Variants in UHRF2 observed in about 807,000 individuals in gnomAD.
The protein encoded by UHRF2 is E3 ubiquitin-protein ligase UHRF2.
In UHRF2, 23 loss-of-function variants were observed where a neutral mutation model predicts 96.8. The observed-to-expected ratio is 0.24, with a 90% CI of 0.17 to 0.34. UHRF2 has a LOEUF of 0.34. Ranked by LOEUF, UHRF2 falls within the 10% of genes least tolerant of loss-of-function variation. UHRF2 has a pLI of 1.00. For missense variants in UHRF2, 685 were observed against 981.5 expected (o/e 0.70, Z 4.04); for synonymous variants, 385 against 332.6 (o/e 1.16, Z -1.72).
At chr9:6,440,886 C>G (rs1185111236) in intron 3 of UHRF2, among the ~76,000 whole-genome samples, 1 of 152,176 alleles carries the variant, frequency 6.6e-6, no homozygotes, top group Non-Finnish European at 1.5e-5. Flanking sequence ...GAGCCCCCTT[C>G]CCTCTCCCTG....
In UHRF2 at chr9:6,433,832, C is replaced by G. The variant is rs1046820131; in HGVS notation, c.385-82C>G. Reference sequence around the variant, plus strand: ...GCAAATATTGTTTACCATGATAACCCACAAATAACTTGAGTTACATTAAGG... The same window carrying G: ...GCAAATATTGTTTACCATGATAACCGACAAATAACTTGAGTTACATTAAGG... On this transcript the variant is annotated intron_variant, in intron 2 of 15. Transcript: ENST00000276893. 7.0e-6 allele frequency: 10 copies of G among 1,436,014 alleles called. No individual in the cohort carries two copies. In the African/African-American group the frequency reaches 1.3e-4, roughly 18 times the overall value. 89.0% of individuals were successfully genotyped at this position (1,436,014 alleles called of 1,614,324 possible).
chr9:6,423,156 C>T (rs1820034407), intron 2 of UHRF2, among the ~76,000 whole-genome samples: 1 of 152,050 alleles, frequency 6.6e-6, no homozygotes, highest in Non-Finnish European at 1.5e-5. Context: ...TGGAAAAATG[C>T]CAACAGATCT....
At chr9:6,505,978 A>C (rs1430520240) in intron 15 of UHRF2, 55 bp from the exon 16 acceptor site, 1 of 1,584,410 alleles carries the variant, frequency 6.3e-7, no homozygotes. Flanking sequence ...TAAGTTGCTG[A>C]GTACTTACAT....
At position 6,504,844 on chromosome 9, in the gene UHRF2, A is replaced by G. The variant is rs62566154; in HGVS notation, c.2262+153A>G. On this transcript the variant is annotated intron_variant, in intron 15 of 15. Coordinates refer to ENST00000276893, the MANE Select transcript of UHRF2 (RefSeq NM_152896.3). Reference sequence around the variant, plus strand: ...GCATTTAGTTACGTCTTGGTGGTAAATGCATGTTTTAATTAGATAGTGATA... The same window carrying G: ...GCATTTAGTTACGTCTTGGTGGTAAGTGCATGTTTTAATTAGATAGTGATA... Among the ~76,000 whole-genome samples, 87 of 152,332 alleles carry G rather than the reference A, an allele frequency of 5.7e-4. No individual in the cohort carries two copies. The highest frequency in any genetic ancestry group is 1.4e-3 in the Admixed American group (22 of 15,300).
intron 2 of UHRF2, chr9:6,422,982 G>T: frequency 3.9e-6 from 1 of 254,074 alleles, no homozygotes; most frequent in East Asian, 7.1e-5. Context: ...AGAAATAATC[G>T]AATGGCAGTT....
intron 3 of UHRF2, among the ~76,000 whole-genome samples, chr9:6,447,704 G>T (rs1416069465): frequency 6.6e-6 from 1 of 151,814 alleles, no homozygotes; most frequent in African/African-American, 2.4e-5. Flanking sequence ...ATAAACCCCC[G>T]AGGACAAAAA....
chr9:6,439,223 G>T (rs1432820682), intron 3 of UHRF2, among the ~76,000 whole-genome samples: 2 of 152,180 alleles, frequency 1.3e-5, no homozygotes, highest in Admixed American at 6.5e-5. Context: ...CCTGCTCTAT[G>T]GCTTGGGCTG....
At chr9:6,494,502 C>G (rs1824852453) in intron 10 of UHRF2, 1 of 152,148 alleles carries the variant, frequency 6.6e-6, no homozygotes, top group Non-Finnish European at 1.5e-5. Context: ...CCACCGTGTG[C>G]TGATCTTTAT....
intron 9 of UHRF2, among the ~76,000 whole-genome samples, chr9:6,493,296 TA>T (rs924368679): frequency 1.1e-4 from 16 of 148,128 alleles, no homozygotes; most frequent in Admixed American, 5.4e-4. Flanking sequence ...AGACTCTGTT[TA>T]AAAAAAAAAA....
chr9:6,487,637 GA>G (rs1480227233), intron 9 of UHRF2, among the ~76,000 whole-genome samples: 1 of 152,230 alleles, frequency 6.6e-6, no homozygotes, highest in Non-Finnish European at 1.5e-5. Context: ...AAAGTGTTGG[GA>G]TTACAGGCGT....
At chr9:6,485,597 A>G (rs2130923083) in intron 8 of UHRF2, among the ~76,000 whole-genome samples, 1 of 148,800 alleles carries the variant, frequency 6.7e-6, no homozygotes, top group Admixed American at 6.7e-5. Context: ...AAGCTTCTAA[A>G]GTGCCTTTCC....
intron 9 of UHRF2, among the ~76,000 whole-genome samples, chr9:6,489,662 C>T (rs1390442317): frequency 6.6e-6 from 1 of 150,666 alleles, no homozygotes; most frequent in Non-Finnish European, 1.5e-5. Context: ...GCTTATTTGC[C>T]ATCTGTATAG....
chr9:6,470,848 A>G (rs1461618832), intron 4 of UHRF2, among the ~76,000 whole-genome samples: 1 of 152,230 alleles, frequency 6.6e-6, no homozygotes, highest in African/African-American at 2.4e-5. Context: ...AGTCTAATCC[A>G]AAATAAGGCA....
chr9:6,416,068 G>GTTGTTTTTGTTTTTT (rs1819581572), intron 1 of UHRF2, among the ~76,000 whole-genome samples: 1 of 151,898 alleles, frequency 6.6e-6, no homozygotes, highest in Non-Finnish European at 1.5e-5. Flanking sequence ...TTTTTTTGTT[G>GTTGTTTTTGTTTTTT]TTGTTTTTGT....
At position 6,481,524 on chromosome 9, in the gene UHRF2, T is replaced by C; in HGVS notation, c.1161-119T>C. 3.4e-6 allele frequency: 4 copies of C among 1,181,254 alleles called. No individual in the cohort carries two copies. The South Asian group carries it at 5.5e-5, about 16-fold the overall frequency. The allele number at this position is 1,181,254 out of a possible 1,614,324, so 73.2% of individuals were successfully genotyped here. On this transcript the variant is annotated intron_variant, in intron 6 of 15. Transcript: ENST00000276893. ...AGTATTTTAATGCCAGTTAAAGCTC[T>C]GTAATGTATACCAAATAATACATCT...
At chr9:6,485,052 C>A (rs1267626700) in intron 8 of UHRF2, among the ~76,000 whole-genome samples, 1 of 152,058 alleles carries the variant, frequency 6.6e-6, no homozygotes, top group East Asian at 1.9e-4. Context: ...CTTGGCCTCC[C>A]AAAGTGCTGG....
At chr9:6,414,337 G>A (rs1819465719) in intron 1 of UHRF2, among the ~76,000 whole-genome samples, 1 of 152,200 alleles carries the variant, frequency 6.6e-6, no homozygotes, top group Non-Finnish European at 1.5e-5. Context: ...TATAAGCCAA[G>A]AGTTTTATTC....
chr9:6,483,444 G>A (rs143172497), intron 8 of UHRF2, among the ~76,000 whole-genome samples: 4,100 of 151,588 alleles, frequency 0.027, 76 homozygotes, highest in Non-Finnish European at 0.042. Context: ...CTAATAAAGT[G>A]TAAATGCTAT....
chr9:6,446,355 C>T (rs1428131103), intron 3 of UHRF2, among the ~76,000 whole-genome samples: 2 of 151,868 alleles, frequency 1.3e-5, no homozygotes, highest in African/African-American at 4.8e-5. Context: ...GTTGGCCAGG[C>T]TGGTCTCGAA....
Sources: gnomAD v4.1 joint callset for allele counts (sites outside exome capture counted in the v4.1 genomes callset) on GRCh38, gnomAD v4.1.1 for gene constraint, MANE v1.5 for transcripts, NCBI Gene and HGNC (gene_info 2026-07-23, HGNC 2026-07-21) for gene names.